Variants in KIAA0040 observed in about 807,000 individuals in gnomAD.
The protein encoded by KIAA0040 is KIAA0040.
Under a neutral mutation model 7.2 loss-of-function variants are expected in KIAA0040, and 10 were observed. That is an observed-to-expected ratio of 1.38 (90% CI 0.85 to 2.34). The LOEUF is 2.34. Among genes scored for constraint, KIAA0040 ranks in the 30% most tolerant of loss-of-function variants. The pLI, the probability that KIAA0040 is intolerant of heterozygous loss-of-function variation, is 0.00. For synonymous variants in KIAA0040, 49 were observed against 40.1 expected (o/e 1.22, Z -0.84); for missense variants, 89 against 108.2 (o/e 0.82, Z 0.79).
intron 1 of KIAA0040, among the ~76,000 whole-genome samples, chr1:175,179,117 G>T (rs1677336670): frequency 6.6e-6 from 1 of 152,126 alleles, no homozygotes; most frequent in South Asian, 2.1e-4. Context: ...AGGTACAGAG[G>T]CCAACAGGTA....
chr1:175,169,179 T>C (rs1426486941), intron 2 of KIAA0040, among the ~76,000 whole-genome samples: 1 of 152,258 alleles, frequency 6.6e-6, no homozygotes, highest in Non-Finnish European at 1.5e-5. Context: ...TAATGATTAT[T>C]AATTACCATT....
chr1:175,188,834 G>T (rs1677763094), intron 1 of KIAA0040, among the ~76,000 whole-genome samples: 1 of 152,192 alleles, frequency 6.6e-6, no homozygotes, highest in African/African-American at 2.4e-5. Flanking sequence ...GAGGCCACTT[G>T]GGGAGGATTG....
rs749833794 is a variant in KIAA0040, at chr1:175,160,745, T to G, written c.269A>C (p.Gln90Pro). Residue 90 changes from glutamine to proline, a missense_variant, in exon 4 of 4, where the codon CAG becomes CCG. Coordinates refer to ENST00000423313, the MANE Select transcript of KIAA0040 (RefSeq NM_014656.3). The part of the protein sequence containing the change: ...LWISAQPKLL[Q>P]MEKRPSLPV ...AGGCAGTGATGGTCTCTTCTCCATCTGGAGAAGCTTGGGTTGAGCAGAGAT... is the reference window on the plus strand; with the variant it reads ...AGGCAGTGATGGTCTCTTCTCCATCGGGAGAAGCTTGGGTTGAGCAGAGAT... The G allele has an allele frequency of 1.3e-6, 2 of 1,549,208 alleles. No homozygotes were observed. Among genetic ancestry groups the G allele is most frequent in the South Asian group, 2.4e-5 (2 of 83,910 alleles).
At chr1:175,189,099 T>C (rs528042808) in intron 1 of KIAA0040, among the ~76,000 whole-genome samples, 20 of 152,282 alleles carry the variant, frequency 1.3e-4, no homozygotes, top group African/African-American at 4.1e-4. Flanking sequence ...GAAGTGTTTT[T>C]CCATTTGAAG....
intron 2 of KIAA0040, among the ~76,000 whole-genome samples, chr1:175,169,389 G>C (rs1212817776): frequency 6.6e-6 from 1 of 152,094 alleles, no homozygotes; most frequent in African/African-American, 2.4e-5. Context: ...CTCTCTCTCT[G>C]GCGCTCTGTT....
intron 3 of KIAA0040, among the ~76,000 whole-genome samples, chr1:175,162,488 T>A (rs1402172389): frequency 6.7e-6 from 1 of 148,276 alleles, no homozygotes; most frequent in African/African-American, 2.5e-5. Flanking sequence ...AGGATGACAA[T>A]GATGTCACTT....
chr1:175,178,123 A>G (rs1338096124), intron 1 of KIAA0040, among the ~76,000 whole-genome samples: 2 of 152,224 alleles, frequency 1.3e-5, no homozygotes, highest in Non-Finnish European at 1.5e-5. Flanking sequence ...CAACCAGGCC[A>G]GCCCCTTCAC....
At chr1:175,188,140 T>G (rs1215834082) in intron 1 of KIAA0040, among the ~76,000 whole-genome samples, 1 of 152,216 alleles carries the variant, frequency 6.6e-6, no homozygotes, top group Non-Finnish European at 1.5e-5. Context: ...AGCGGCTTGC[T>G]CACAATCGTG....
chr1:175,167,121 A>G (rs969505775), intron 2 of KIAA0040, among the ~76,000 whole-genome samples: 1 of 152,192 alleles, frequency 6.6e-6, no homozygotes, highest in Non-Finnish European at 1.5e-5. Flanking sequence ...GGAAACAGGG[A>G]GGTTAGGAAG....
intron 1 of KIAA0040, among the ~76,000 whole-genome samples, chr1:175,188,687 G>A (rs1379473084): frequency 6.6e-6 from 1 of 152,306 alleles, no homozygotes; most frequent in East Asian, 1.9e-4. Flanking sequence ...TTCTCTTCTT[G>A]AGGGGTCTTT....
intron 1 of KIAA0040, among the ~76,000 whole-genome samples, chr1:175,182,549 G>A (rs1677481129): frequency 1.3e-5 from 2 of 152,314 alleles, no homozygotes; most frequent in South Asian, 4.1e-4. Context: ...AGGCTGCACA[G>A]TGGAAGCCCA....
At chr1:175,176,039 A>G (rs1353892582) in intron 2 of KIAA0040, among the ~76,000 whole-genome samples, 2 of 152,194 alleles carry the variant, frequency 1.3e-5, no homozygotes, top group Non-Finnish European at 2.9e-5. Context: ...AATAAAAATA[A>G]AAAAATAAAA....
intron 1 of KIAA0040, among the ~76,000 whole-genome samples, chr1:175,189,297 C>A (rs150493454): frequency 2.0e-5 from 3 of 152,168 alleles, no homozygotes; most frequent in African/African-American, 7.2e-5. Context: ...TGCTCAGATT[C>A]AGGGCCATTG....
At position 175,158,219 on chromosome 1, in the gene KIAA0040, C is replaced by A. The variant is rs1474058024; in HGVS notation, c.*2495G>T. On this transcript the variant is annotated 3_prime_UTR_variant, in exon 4 of 4. Transcript: ENST00000423313. ...GTCTGTGATGGGGAAAAGAGAGGCC[C>A]CATTCTGGGTTTGGCTCTTCTGAGT... The A allele has an allele frequency of 6.6e-6, 1 of 152,334 alleles. No individual in the cohort carries two copies. The highest frequency in any genetic ancestry group is 2.4e-5 in the African/African-American group (1 of 41,436). The allele number at this position is 152,334 out of a possible 1,614,324, so 9.4% of individuals were successfully genotyped here. A position where few individuals can be genotyped will look rare whatever the true frequency, so the allele number is the denominator to read the frequency against.
Position 175,171,161 on chromosome 1 carries a change from C to T in KIAA0040, c.-309-4424G>A, listed in dbSNP as rs533729571. Among the ~76,000 whole-genome samples, 9 of 152,322 alleles carry T rather than the reference C, an allele frequency of 5.9e-5. No homozygotes were observed. In the South Asian group the frequency reaches 1.2e-3, roughly 21 times the overall value. Reference sequence around the variant, plus strand: ...CCTCCCGTGTTACCTTATCAGGAGGCCTTTTTCTAATGGAGTATGGTTATC... The same window carrying T: ...CCTCCCGTGTTACCTTATCAGGAGGTCTTTTTCTAATGGAGTATGGTTATC... On this transcript the variant is annotated intron_variant, in intron 2 of 3. Transcript: ENST00000423313.
chr1:175,183,622 T>C (rs766579300), intron 1 of KIAA0040, among the ~76,000 whole-genome samples: 9 of 152,230 alleles, frequency 5.9e-5, no homozygotes, highest in Non-Finnish European at 1.3e-4. Context: ...ATGGCTCAGG[T>C]AAGTTGGTCG....
rs1372952461 is a variant in KIAA0040, at chr1:175,160,641, G to A, written c.*73C>T. 7.6e-7 allele frequency: 1 copy of A among 1,321,000 alleles called. No individual in the cohort carries two copies. The highest frequency in any genetic ancestry group is 1.0e-6 in the Non-Finnish European group (1 of 980,832). The allele number at this position is 1,321,000 out of a possible 1,614,324, so 81.8% of individuals were successfully genotyped here. A position where few individuals can be genotyped will look rare whatever the true frequency, so the allele number is the denominator to read the frequency against. ...ATGGACATAGTGCATTATTTCAGGG[G>A]TTCCTGAAATGTCTGTGTGTGGTCA... On this transcript the variant is annotated 3_prime_UTR_variant, in exon 4 of 4. Transcript: ENST00000423313.
At chr1:175,185,824 G>A (rs1238489703) in intron 1 of KIAA0040, among the ~76,000 whole-genome samples, 1 of 152,144 alleles carries the variant, frequency 6.6e-6, no homozygotes, top group Admixed American at 6.5e-5. Flanking sequence ...AACTCTTATG[G>A]TATATGCACA....
At position 175,176,150 on chromosome 1, in the gene KIAA0040, G is replaced by C. The variant is rs1159478759; in HGVS notation, c.-310+1461C>G. 2.0e-5 allele frequency among the ~76,000 whole-genome samples: 3 copies of C among 152,220 alleles called. No homozygotes were observed. The East Asian group carries it at 5.8e-4, about 29-fold the overall frequency. On this transcript the variant is annotated intron_variant, in intron 2 of 3. Coordinates refer to ENST00000423313, the MANE Select transcript of KIAA0040 (RefSeq NM_014656.3). Reference sequence around the variant, plus strand: ...GACATATTTCTTTTTGTTAGTGGTGGTGGGGGAGACATTTACAGGCTGGAA... The same window carrying C: ...GACATATTTCTTTTTGTTAGTGGTGCTGGGGGAGACATTTACAGGCTGGAA...
Sources: gnomAD v4.1 joint callset for allele counts (sites outside exome capture counted in the v4.1 genomes callset) on GRCh38, gnomAD v4.1.1 for gene constraint, MANE v1.5 for transcripts, NCBI Gene and HGNC (gene_info 2026-07-23, HGNC 2026-07-21) for gene names.